ZNF469: variants seen among roughly 807,000 people sequenced by gnomAD.
ZNF469 encodes zinc finger protein 469.
A neutral mutation model predicts 1.0 loss-of-function variants in ZNF469; 1 was observed. The observed-to-expected ratio is 1.00, with a 90% CI of 0.35 to 4.73. The LOEUF (loss-of-function observed/expected upper bound fraction) is 4.73. ZNF469 is among the 30% of genes most tolerant of loss of function. ZNF469 has a pLI of 0.16. For missense variants in ZNF469, 6,100 were observed against 5,356.3 expected, an observed-to-expected ratio of 1.14 and a Z score of -4.33; for synonymous variants, 2,703 against 2,363.4, an observed-to-expected ratio of 1.14 and a Z score of -4.17.
chr16:88,364,195 C>T, the ZNF469 span, among the ~76,000 whole-genome samples: 1 of 152,146 alleles, frequency 6.6e-6, no homozygotes, highest in African/African-American at 2.4e-5. Flanking sequence ...CTCAGTTGAT[C>T]CAGCAGCGTT....
chr16:88,212,090 T>G, the ZNF469 span, among the ~76,000 whole-genome samples: 3 of 152,250 alleles, frequency 2.0e-5, no homozygotes, highest in African/African-American at 7.2e-5. Flanking sequence ...AAAATTCTTA[T>G]ATATTTTGTC....
chr16:88,431,718 C>T lies in ZNF469; in HGVS notation c.4248C>T (p.Cys1416=), dbSNP rs1293546932. ...CGCCGGCCAGCAGCTCCTGCCTTTG[C>T]CAGGACGGCGAGGATGCCGGTTCCC... The part of the protein sequence containing the change: ...DAPPASSSCL[C]QDGEDAGSLE... Residue 1416 remains cysteine, a synonymous_variant, in exon 3 of 3, where the codon TGC becomes TGT. Coordinates refer to ENST00000565624, the MANE Select transcript of ZNF469 (RefSeq NM_001367624.2). 2.6e-6 allele frequency: 4 copies of T among 1,550,208 alleles called. No homozygotes were observed. The Admixed American group carries it at 7.8e-5, about 30-fold the overall frequency.
At chr16:88,331,168 T>C in the ZNF469 span, among the ~76,000 whole-genome samples, 1 of 147,214 alleles carries the variant, frequency 6.8e-6, no homozygotes, top group African/African-American at 2.6e-5. Flanking sequence ...ATCATCACCA[T>C]CATTACCATC....
Position 88,428,240 on chromosome 16 carries a change from C to A in ZNF469, c.770C>A (p.Pro257His), listed in dbSNP as rs753630744. 1.5e-5 allele frequency: 23 copies of A among 1,550,396 alleles called. No homozygotes were observed. The highest frequency in any genetic ancestry group is 1.9e-5 in the Non-Finnish European group (22 of 1,146,948). The change falls in exon 3 of 3, where the codon CCT becomes CAT. Residue 257 changes from proline (P) to histidine (H), a missense_variant. Transcript: ENST00000565624. ...GGGGTTCCCCCCGCCGAGCCGGAACCTATTCCCAAAGGCAGCAGGCCCGGC... is the reference window on the plus strand; with the variant it reads ...GGGGTTCCCCCCGCCGAGCCGGAACATATTCCCAAAGGCAGCAGGCCCGGC... ...NFGVPPAEPE[P>H]IPKGSRPGGS...
the ZNF469 span, among the ~76,000 whole-genome samples, chr16:88,229,675 G>A: frequency 5.9e-5 from 9 of 152,080 alleles, no homozygotes; most frequent in African/African-American, 2.2e-4. Context: ...TGTCGCGTGT[G>A]TGCTGATGCC....
chr16:88,347,016 G>T, the ZNF469 span, among the ~76,000 whole-genome samples: 1 of 152,214 alleles, frequency 6.6e-6, no homozygotes, highest in Non-Finnish European at 1.5e-5. Flanking sequence ...TGCTGGTTCT[G>T]GGGGGAAGTA....
At chr16:88,227,399 C>G in the ZNF469 span, among the ~76,000 whole-genome samples, 1 of 152,138 alleles carries the variant, frequency 6.6e-6, no homozygotes, top group Non-Finnish European at 1.5e-5. Flanking sequence ...CACCCCTTCT[C>G]TCTGTCTCCT....
chr16:88,136,745 C>A, the ZNF469 span, among the ~76,000 whole-genome samples: 5 of 152,260 alleles, frequency 3.3e-5, no homozygotes, highest in Non-Finnish European at 1.5e-5. Flanking sequence ...CCTGCCAGCT[C>A]TGCCTTCTTT....
chr16:88,111,743 C>T, the ZNF469 span, among the ~76,000 whole-genome samples: 2 of 152,152 alleles, frequency 1.3e-5, no homozygotes, highest in African/African-American at 2.4e-5. Context: ...TTCAAGCGAT[C>T]CTCCTGCTTC....
At chr16:88,315,268 C>T in the ZNF469 span, among the ~76,000 whole-genome samples, 5 of 152,198 alleles carry the variant, frequency 3.3e-5, no homozygotes, top group Non-Finnish European at 7.4e-5. Flanking sequence ...TGTTGGTGCC[C>T]TCTGAGGTCC....
At chr16:88,200,824 C>T in the ZNF469 span, among the ~76,000 whole-genome samples, 5 of 152,272 alleles carry the variant, frequency 3.3e-5, no homozygotes, top group African/African-American at 1.2e-4. Flanking sequence ...AGCCACAGCT[C>T]CTCTGTTGTC....
At chr16:88,271,545 A>G in the ZNF469 span, among the ~76,000 whole-genome samples, 1 of 140,302 alleles carries the variant, frequency 7.1e-6, no homozygotes, top group African/African-American at 2.5e-5. Context: ...CTGCCTGATG[A>G]CGCTGCTTGC....
chr16:88,252,919 T>G, the ZNF469 span, among the ~76,000 whole-genome samples: 4 of 152,232 alleles, frequency 2.6e-5, no homozygotes, highest in African/African-American at 9.6e-5. Flanking sequence ...CTGCGTTATT[T>G]CTGCCTTTTC....
At chr16:88,257,336 C>A in the ZNF469 span, among the ~76,000 whole-genome samples, 1 of 151,900 alleles carries the variant, frequency 6.6e-6, no homozygotes, top group Non-Finnish European at 1.5e-5. Context: ...AGATCTTTGG[C>A]CCACTTTTTA....
the ZNF469 span, among the ~76,000 whole-genome samples, chr16:88,267,289 C>CT: frequency 3.9e-5 from 6 of 152,336 alleles, no homozygotes; most frequent in South Asian, 1.2e-3. Context: ...GATTCTTTCC[C>CT]TGTGGCCCCG....
intron 1 of ZNF469, among the ~76,000 whole-genome samples, chr16:88,387,788 G>A (rs934908769): frequency 2.0e-4 from 30 of 152,160 alleles, no homozygotes; most frequent in African/African-American, 7.0e-4. Flanking sequence ...TGGGGCTCCT[G>A]CCACCCCGTC....
chr16:88,153,615 A>G, the ZNF469 span, among the ~76,000 whole-genome samples: 1 of 152,176 alleles, frequency 6.6e-6, no homozygotes, highest in South Asian at 2.1e-4. Context: ...CTGACTGTGG[A>G]CTGCGGGAGG....
chr16:88,316,104 C>T, the ZNF469 span, among the ~76,000 whole-genome samples: 1 of 152,234 alleles, frequency 6.6e-6, no homozygotes, highest in South Asian at 2.1e-4. Flanking sequence ...CAGGGCCGGC[C>T]GCCCCTCACT....
At chr16:88,115,580 C>T in the ZNF469 span, among the ~76,000 whole-genome samples, 2 of 151,308 alleles carry the variant, frequency 1.3e-5, no homozygotes, top group African/African-American at 4.9e-5. Context: ...GAGAAAGGTG[C>T]CAGGGCCCTG....
Sources: allele counts gnomAD v4.1 joint callset (sites outside exome capture counted in the v4.1 genomes callset), GRCh38; gene constraint gnomAD v4.1.1; transcripts MANE v1.5; gene names NCBI Gene and HGNC (gene_info 2026-07-23, HGNC 2026-07-21).